Variants in RBPJ observed in about 807,000 individuals in gnomAD.
RBPJ encodes recombination signal binding protein for immunoglobulin kappa J region.
RBPJ carries 9 observed loss-of-function variants against 67.8 expected under a neutral mutation model. The observed-to-expected ratio is 0.13, with a 90% CI of 0.08 to 0.23. The LOEUF is 0.23. RBPJ is among the 10% of genes least tolerant of loss of function. RBPJ has a pLI of 1.00. For synonymous variants in RBPJ, 198 were observed against 203.3 expected, an observed-to-expected ratio of 0.97 and a Z score of 0.22; for missense variants, 305 against 595.6, an observed-to-expected ratio of 0.51 and a Z score of 5.08.
At chr4:26,185,264 G>A (rs891892097) in intron 1 of RBPJ, among the ~76,000 whole-genome samples, 5 of 151,554 alleles carry the variant, frequency 3.3e-5, no homozygotes, top group Middle Eastern at 3.4e-3. Flanking sequence ...AACTTCTTAC[G>A]GTATTTCTCA....
chr4:26,309,836 A>G (rs1360290032), intron 1 of RBPJ, among the ~76,000 whole-genome samples: 1 of 152,220 alleles, frequency 6.6e-6, no homozygotes, highest in Non-Finnish European at 1.5e-5. Context: ...TAACTTGTTC[A>G]TGTTATAAAA....
chr4:26,336,928 A>G (rs531838575), intron 1 of RBPJ, among the ~76,000 whole-genome samples: 1 of 152,248 alleles, frequency 6.6e-6, no homozygotes, highest in South Asian at 2.1e-4. Context: ...ATGGTAGCGT[A>G]GTGCTTCCTT....
intron 1 of RBPJ, among the ~76,000 whole-genome samples, chr4:26,183,090 AAC>A (rs1172571562): frequency 6.6e-6 from 1 of 152,248 alleles, no homozygotes; most frequent in Non-Finnish European, 1.5e-5. Flanking sequence ...AGAAACCAGT[AAC>A]ACAGTCAATT....
chr4:26,398,795 G>A (rs1209591010), intron 2 of RBPJ, among the ~76,000 whole-genome samples: 3 of 152,080 alleles, frequency 2.0e-5, no homozygotes, highest in African/African-American at 7.2e-5. Context: ...TGTATTTTTA[G>A]TAGAGATGGG....
intron 3 of RBPJ, among the ~76,000 whole-genome samples, chr4:26,409,567 T>C (rs1411851778): frequency 8.5e-5 from 13 of 152,216 alleles, no homozygotes; most frequent in Admixed American, 8.5e-4. Flanking sequence ...TGGTGCAATC[T>C]TGGCTTACTG....
chr4:26,205,084 C>T (rs977515349), intron 1 of RBPJ, among the ~76,000 whole-genome samples: 6 of 152,174 alleles, frequency 3.9e-5, no homozygotes, highest in African/African-American at 1.4e-4. Flanking sequence ...GGGAGGGGCT[C>T]AGTTAAGGGC....
the RBPJ span, among the ~76,000 whole-genome samples, chr4:26,134,236 G>C: frequency 6.6e-6 from 1 of 152,142 alleles, no homozygotes; most frequent in Admixed American, 6.5e-5. Flanking sequence ...AACACAGCAG[G>C]ATACCAAACG....
At chr4:26,292,981 G>A (rs1167019379) in intron 1 of RBPJ, among the ~76,000 whole-genome samples, 3 of 150,714 alleles carry the variant, frequency 2.0e-5, no homozygotes, top group Admixed American at 2.0e-4. Context: ...ACCCAGAAAT[G>A]GGACTGCTGG....
chr4:26,299,549 G>A (rs77586687), intron 1 of RBPJ, among the ~76,000 whole-genome samples: 7,475 of 151,956 alleles, frequency 0.049, 224 homozygotes, highest in Non-Finnish European at 0.068. Context: ...CCTCATGTGG[G>A]AGAAAGAAAG....
chr4:26,384,941 C>G (rs1404207953), intron 1 of RBPJ, among the ~76,000 whole-genome samples: 1 of 19,508 alleles, frequency 5.1e-5, no homozygotes, highest in East Asian at 2.3e-3. Context: ...CTCTTCCCCT[C>G]TCCCCTCCCC....
At chr4:26,302,317 T>C (rs1283459656) in intron 1 of RBPJ, among the ~76,000 whole-genome samples, 2 of 152,238 alleles carry the variant, frequency 1.3e-5, no homozygotes, top group Non-Finnish European at 2.9e-5. Context: ...AGCCTTAAAT[T>C]GGCTGAACTT....
the RBPJ span, among the ~76,000 whole-genome samples, chr4:26,116,536 G>T: frequency 1.3e-5 from 2 of 152,282 alleles, no homozygotes; most frequent in South Asian, 4.2e-4. Context: ...GAGATATGTG[G>T]CATGGACTCA....
At chr4:26,411,637 A>C (rs954736510) in intron 3 of RBPJ, among the ~76,000 whole-genome samples, 3 of 151,676 alleles carry the variant, frequency 2.0e-5, no homozygotes, top group Admixed American at 2.0e-4. Flanking sequence ...TATTTATTAC[A>C]TGATTGGAAA....
chr4:26,195,307 C>A (rs2109146265), intron 1 of RBPJ, among the ~76,000 whole-genome samples: 1 of 152,292 alleles, frequency 6.6e-6, no homozygotes, highest in Middle Eastern at 3.4e-3. Flanking sequence ...AAGTTCAAAG[C>A]TGCAGTCTTT....
intron 1 of RBPJ, among the ~76,000 whole-genome samples, chr4:26,226,465 G>C (rs894411232): frequency 3.3e-5 from 5 of 152,068 alleles, no homozygotes; most frequent in African/African-American, 1.2e-4. Flanking sequence ...ACAGAATGAG[G>C]ACCTGTCTCA....
the RBPJ span, among the ~76,000 whole-genome samples, chr4:26,153,548 C>T: frequency 6.6e-6 from 1 of 152,314 alleles, no homozygotes; most frequent in East Asian, 1.9e-4. Flanking sequence ...GATGAAGAGG[C>T]ATGCTAGTGG....
chr4:26,271,823 C>T (rs972810722), intron 1 of RBPJ, among the ~76,000 whole-genome samples: 1 of 152,184 alleles, frequency 6.6e-6, no homozygotes, highest in Admixed American at 6.5e-5. Context: ...CTATGATGTC[C>T]TTTCATTCAT....
Position 26,234,875 on chromosome 4 carries a change from TAG to T in RBPJ, c.-167+71265_-167+71266del, listed in dbSNP as rs1225177730. ...GCCCAGCTAATTTTTGTATTTTTAG[TAG>T]AGACGGGGTTTCACCATGTTGGCCA... is the stretch of plus-strand genomic sequence containing the variant. On this transcript the variant is annotated intron_variant, in intron 1 of 4. Coordinates refer to the RBPJ transcript ENST00000512351. Among the ~76,000 whole-genome samples the T allele has an allele frequency of 3.3e-5, 5 of 152,100 alleles. No homozygotes were observed. The East Asian group carries it at 9.7e-4, about 29-fold the overall frequency.
intron 1 of RBPJ, among the ~76,000 whole-genome samples, chr4:26,194,434 C>T (rs1204863498): frequency 6.6e-6 from 1 of 152,232 alleles, no homozygotes; most frequent in Non-Finnish European, 1.5e-5. Context: ...TGAGCACTTG[C>T]AGCATGCCAG....
Sources: gnomAD v4.1 joint callset for allele counts (sites outside exome capture counted in the v4.1 genomes callset) on GRCh38, gnomAD v4.1.1 for gene constraint, MANE v1.5 for transcripts, NCBI Gene and HGNC (gene_info 2026-07-23, HGNC 2026-07-21) for gene names.